ANKS1B: variants seen among roughly 807,000 people sequenced by gnomAD.
The protein encoded by ANKS1B is ankyrin repeat and sterile alpha motif domain-containing protein 1B.
Under a neutral mutation model 148.3 loss-of-function variants are expected in ANKS1B, and 36 were observed. The ratio of observed to expected loss-of-function variants is 0.24; its 90% CI spans 0.19 to 0.32. The LOEUF (loss-of-function observed/expected upper bound fraction) is 0.32, where lower values mean the gene tolerates loss of function less well. Ranked by LOEUF, ANKS1B falls within the 10% of genes least tolerant of loss-of-function variation. The pLI is 1.00. For missense variants in ANKS1B, 1,157 were observed against 1,542.6 expected (o/e 0.75, Z 4.19); for synonymous variants, 542 against 560.8 (o/e 0.97, Z 0.47).
chr12:99,402,850 G>A lies in ANKS1B; in HGVS notation c.1576-3039C>T, dbSNP rs950320046. Among the ~76,000 whole-genome samples the A allele has an allele frequency of 6.2e-5, 9 of 145,844 alleles. 1 individual carries two copies. The highest frequency in any genetic ancestry group is 1.4e-4 in the Non-Finnish European group (9 of 66,120). The stretch of plus-strand genomic sequence containing the variant: ...GTATATACGCAGTAATGGGATTACT[G>A]GATCGAATGGTATTTCTGACTTTAA... On this transcript the variant is annotated intron_variant, in intron 11 of 26. Coordinates refer to ENST00000683438, the MANE Select transcript of ANKS1B (RefSeq NM_001352186.2).
intron 17 of ANKS1B, among the ~76,000 whole-genome samples, chr12:99,010,364 T>C (rs2099938592): frequency 6.6e-6 from 1 of 152,222 alleles, no homozygotes; most frequent in South Asian, 2.1e-4. Flanking sequence ...GAAGAGCACA[T>C]GGCATAGAGT....
chr12:99,553,189 C>T (rs543194563), intron 9 of ANKS1B, among the ~76,000 whole-genome samples: 7 of 152,196 alleles, frequency 4.6e-5, no homozygotes, highest in African/African-American at 1.7e-4. Context: ...ACTAGCTAAA[C>T]GAAGTATACT....
chr12:99,737,915 GCCTCCAACTTCTAT>G (rs2059763558), intron 8 of ANKS1B, among the ~76,000 whole-genome samples: 1 of 152,030 alleles, frequency 6.6e-6, no homozygotes, highest in Non-Finnish European at 1.5e-5. Context: ...TTAATCTACA[GCCTCCAACTTCTAT>G]CCTAAGCCAT....
At chr12:99,143,574 A>C (rs1306120356) in intron 15 of ANKS1B, among the ~76,000 whole-genome samples, 1 of 152,146 alleles carries the variant, frequency 6.6e-6, no homozygotes, top group Non-Finnish European at 1.5e-5. Flanking sequence ...AGAAAAAACT[A>C]AACTGAAAGA....
At chr12:99,894,329 G>GAGGTAAAGAAAAAA (rs1196013915) in intron 1 of ANKS1B, among the ~76,000 whole-genome samples, 1 of 78,078 alleles carries the variant, frequency 1.3e-5, no homozygotes, top group African/African-American at 5.1e-5. Flanking sequence ...GGGAGGGAGG[G>GAGGTAAAGAAAAAA]AAAGAAAAGA....
intron 1 of ANKS1B, among the ~76,000 whole-genome samples, chr12:99,846,092 A>C (rs976406268): frequency 6.6e-6 from 1 of 152,028 alleles, no homozygotes; most frequent in South Asian, 2.1e-4. Context: ...TTGCCTATCC[A>C]TTTATTTTCC....
At chr12:99,724,386 A>G (rs2058411378) in intron 8 of ANKS1B, among the ~76,000 whole-genome samples, 1 of 152,238 alleles carries the variant, frequency 6.6e-6, no homozygotes, top group Non-Finnish European at 1.5e-5. Context: ...CGAATCAACC[A>G]AGAGGAAGAA....
At chr12:99,773,371 C>T (rs996441472) in intron 7 of ANKS1B, among the ~76,000 whole-genome samples, 3 of 152,044 alleles carry the variant, frequency 2.0e-5, no homozygotes, top group African/African-American at 7.2e-5. Flanking sequence ...AATTACAATT[C>T]CCAAAGCTTC....
chr12:99,769,274 G>A (rs961184616), intron 8 of ANKS1B, among the ~76,000 whole-genome samples: 2 of 152,112 alleles, frequency 1.3e-5, no homozygotes, highest in African/African-American at 4.8e-5. Flanking sequence ...TAGTATGGAT[G>A]TTAGACCTGA....
At chr12:99,098,880 T>C (rs11613256) in intron 15 of ANKS1B, among the ~76,000 whole-genome samples, 1 of 142,488 alleles carries the variant, frequency 7.0e-6, no homozygotes, top group African/African-American at 2.5e-5. Flanking sequence ...TTAATTTCTG[T>C]GGTTGCTGTT....
intron 17 of ANKS1B, among the ~76,000 whole-genome samples, chr12:99,049,622 G>GA (rs777885168): frequency 1.1e-3 from 172 of 151,712 alleles, no homozygotes; most frequent in Non-Finnish European, 1.5e-3. Context: ...AACATTGAAA[G>GA]AAAAAAAACC....
At chr12:99,050,650 C>A (rs578021596) in intron 17 of ANKS1B, among the ~76,000 whole-genome samples, 19 of 151,536 alleles carry the variant, frequency 1.3e-4, no homozygotes, top group Non-Finnish European at 2.1e-4. Flanking sequence ...TGTTAAGAGC[C>A]AACATGGGTG....
At chr12:99,211,264 A>C (rs1340077082) in intron 14 of ANKS1B, among the ~76,000 whole-genome samples, 2 of 152,214 alleles carry the variant, frequency 1.3e-5, no homozygotes, top group Non-Finnish European at 2.9e-5. Flanking sequence ...GGAGTCAGTC[A>C]TGCTAAGGTG....
intron 1 of ANKS1B, among the ~76,000 whole-genome samples, chr12:99,965,461 G>C (rs1038971891): frequency 6.6e-6 from 1 of 152,292 alleles, no homozygotes; most frequent in East Asian, 1.9e-4. Flanking sequence ...ACACAAAATA[G>C]TTATTAAAGG....
chr12:98,743,165 A>G (rs1017020912), downstream of ANKS1B, among the ~76,000 whole-genome samples: 2 of 152,022 alleles, frequency 1.3e-5, no homozygotes, highest in Non-Finnish European at 2.9e-5. Context: ...ATTTTTGAGG[A>G]TTTGGCCACG....
At chr12:99,352,646 T>G (rs994564293) in intron 12 of ANKS1B, among the ~76,000 whole-genome samples, 1 of 152,058 alleles carries the variant, frequency 6.6e-6, no homozygotes, top group Non-Finnish European at 1.5e-5. Flanking sequence ...TTAATATATC[T>G]TGAGAGGCCA....
intron 9 of ANKS1B, among the ~76,000 whole-genome samples, chr12:99,608,184 A>G (rs1302016188): frequency 2.0e-5 from 3 of 152,086 alleles, no homozygotes; most frequent in African/African-American, 7.2e-5. Context: ...CCTAATGTCA[A>G]TTAGCCCATT....
intron 12 of ANKS1B, among the ~76,000 whole-genome samples, chr12:99,265,692 C>T (rs939037327): frequency 9.2e-5 from 14 of 152,268 alleles, no homozygotes; most frequent in South Asian, 6.2e-4. Flanking sequence ...TCATTAAGAA[C>T]CAACTGTGAC....
At chr12:99,143,517 G>T (rs1484071667) in intron 15 of ANKS1B, among the ~76,000 whole-genome samples, 4 of 152,026 alleles carry the variant, frequency 2.6e-5, no homozygotes, top group African/African-American at 9.7e-5. Context: ...GAGTTTTCTT[G>T]TGGATAAAAA....
Sources: allele counts gnomAD v4.1 joint callset (sites outside exome capture counted in the v4.1 genomes callset), GRCh38; gene constraint gnomAD v4.1.1; transcripts MANE v1.5; gene names NCBI Gene and HGNC (gene_info 2026-07-23, HGNC 2026-07-21).